ZNF492: variants seen among roughly 807,000 people sequenced by gnomAD.
ZNF492 encodes the protein zinc finger protein 492.
ZNF492 carries 3 observed loss-of-function variants against 6.4 expected under a neutral mutation model. That is an observed-to-expected ratio of 0.47 (90% CI 0.21 to 1.22). The LOEUF (loss-of-function observed/expected upper bound fraction) is 1.22. Among genes scored for constraint, ZNF492 ranks in the 50% most tolerant of loss-of-function variants. ZNF492 has a pLI of 0.22. For synonymous variants in ZNF492, 112 were observed against 205.3 expected (o/e 0.55, Z 3.89); for missense variants, 356 against 612.5 (o/e 0.58, Z 4.42).
chr19:22,658,326 A>T (rs1972017897), intron 3 of ZNF492, among the ~76,000 whole-genome samples: 2 of 151,518 alleles, frequency 1.3e-5, no homozygotes, highest in African/African-American at 4.9e-5. Flanking sequence ...AGGAGGGAGG[A>T]TTACTTGAAC....
chr19:22,644,246 A>C (rs532066597), intron 1 of ZNF492, among the ~76,000 whole-genome samples: 19 of 131,226 alleles, frequency 1.4e-4, no homozygotes, highest in African/African-American at 5.4e-4. Context: ...GAAATATTGA[A>C]TACTTATTTT....
At chr19:22,662,395 C>T (rs1327321663) in intron 3 of ZNF492, among the ~76,000 whole-genome samples, 2 of 152,124 alleles carry the variant, frequency 1.3e-5, no homozygotes, top group East Asian at 1.9e-4. Flanking sequence ...AATAAATATA[C>T]GTGTGCATGT....
At chr19:22,660,894 A>G (rs1221500835) in intron 3 of ZNF492, among the ~76,000 whole-genome samples, 2 of 142,224 alleles carry the variant, frequency 1.4e-5, no homozygotes, top group Non-Finnish European at 3.0e-5. Context: ...TGTTGATGGT[A>G]TTATCCTCAA....
chr19:22,654,097 AT>A (rs1192898358), intron 3 of ZNF492, 82 bp downstream of exon 3: 2 of 1,425,584 alleles, frequency 1.4e-6, no homozygotes, highest in African/African-American at 3.0e-5. Flanking sequence ...AGTCCTTAAA[AT>A]GATTTGAAAT....
At position 22,640,224 on chromosome 19, in the gene ZNF492, G is replaced by A. The variant is rs541982704; in HGVS notation, c.-94+5750G>A. On this transcript the variant is annotated intron_variant, in intron 1 of 3. Coordinates refer to ENST00000456783, the MANE Select transcript of ZNF492 (RefSeq NM_020855.3). ...CTTGCCTAGGCTGGAGTGCAGTGGC[G>A]CGATCTCAGCTCACTGCAACGTCTG... Among the ~76,000 whole-genome samples the A allele has an allele frequency of 1.4e-4, 21 of 151,680 alleles. No individual in the cohort carries two copies. The East Asian group carries it at 1.6e-3, about 11-fold the overall frequency.
chr19:22,655,715 G>T (rs1971987980), intron 3 of ZNF492, among the ~76,000 whole-genome samples: 2 of 125,486 alleles, frequency 1.6e-5, no homozygotes, highest in Admixed American at 8.4e-5. Flanking sequence ...CATACTTCCA[G>T]TGCTGTGTTA....
chr19:22,648,632 A>T (rs989174840), intron 1 of ZNF492, among the ~76,000 whole-genome samples: 1 of 152,216 alleles, frequency 6.6e-6, no homozygotes, highest in Non-Finnish European at 1.5e-5. Context: ...GTTCTCCTGC[A>T]TTGGGTGCTT....
At chr19:22,642,375 AC>A (rs1274787822) in intron 1 of ZNF492, among the ~76,000 whole-genome samples, 6 of 144,636 alleles carry the variant, frequency 4.1e-5, no homozygotes, top group Non-Finnish European at 9.0e-5. Flanking sequence ...AGCTAAATAA[AC>A]CTTTTGTCTT....
chr19:22,639,127 A>G (rs1377559239), intron 1 of ZNF492, among the ~76,000 whole-genome samples: 1 of 152,064 alleles, frequency 6.6e-6, no homozygotes, highest in East Asian at 1.9e-4. Context: ...GGCGTGAGCC[A>G]CTGCGCCTGG....
chr19:22,656,102 C>T (rs1398211672), intron 3 of ZNF492, among the ~76,000 whole-genome samples: 27 of 143,968 alleles, frequency 1.9e-4, no homozygotes, highest in South Asian at 6.4e-4. Context: ...GGATTACAGG[C>T]ATGAGCCACC....
At chr19:22,644,537 G>A (rs1971858676) in intron 1 of ZNF492, among the ~76,000 whole-genome samples, 1 of 152,134 alleles carries the variant, frequency 6.6e-6, no homozygotes, top group Non-Finnish European at 1.5e-5. Context: ...CTTAATCCAT[G>A]TTCCTACAAA....
chr19:22,645,149 T>A (rs1971865070), intron 1 of ZNF492, among the ~76,000 whole-genome samples: 2 of 151,866 alleles, frequency 1.3e-5, no homozygotes. Flanking sequence ...TGGGTTCAAG[T>A]GATTCTCCTG....
chr19:22,642,918 G>C (rs1357103631), intron 1 of ZNF492, among the ~76,000 whole-genome samples: 1 of 152,102 alleles, frequency 6.6e-6, no homozygotes, highest in African/African-American at 2.4e-5. Flanking sequence ...AAGTTCCTTT[G>C]ACAGAAACTT....
intron 1 of ZNF492, among the ~76,000 whole-genome samples, chr19:22,646,442 T>C (rs1183408041): frequency 6.6e-6 from 1 of 152,226 alleles, no homozygotes; most frequent in African/African-American, 2.4e-5. Context: ...TTTCTAAATA[T>C]AGAATAACGT....
rs922262122 is a variant in ZNF492 at position 22,664,230 on chromosome 19, TAAAAG to T, written c.564_568del (p.Lys188AsnfsTer18). The T allele has an allele frequency of 3.1e-6, 5 of 1,612,066 alleles. No individual in the cohort carries two copies. Among genetic ancestry groups the T allele is most frequent in the Non-Finnish European group, 4.2e-6 (5 of 1,179,060 alleles). On this transcript the variant is annotated frameshift_variant, in exon 4 of 4. Transcript: ENST00000456783. LOFTEE classifies it low-confidence loss of function (END_TRUNC). ...ATGAGACCTCAAACCTTTCTACACA[TAAAAG>T]AATTCATACTGGAAAGAAACCCTAC...
rs1401910263 is a variant in ZNF492, at chr19:22,664,029, A to T, written c.360A>T (p.Lys120Asn). The T allele has an allele frequency of 6.2e-7, 1 of 1,607,096 alleles. No homozygotes were observed. The highest frequency in any genetic ancestry group is 8.5e-7 in the Non-Finnish European group (1 of 1,176,490). Reference sequence around the variant, plus strand: ...TATTTCAATGTGACAAATATGTGAAAGTCTTTCATAAATTTTCAAATTCAA... The same window carrying T: ...TATTTCAATGTGACAAATATGTGAATGTCTTTCATAAATTTTCAAATTCAA... Reference protein sequence around the residue: ...NKIFQCDKYVKVFHKFSNSNR... With the variant: ...NKIFQCDKYVNVFHKFSNSNR... The change falls in exon 4 of 4, where the codon AAA becomes AAT. Residue 120 changes from lysine to asparagine, a missense_variant. Around this residue, in one of 7 missense-constraint regions of ZNF492, gnomAD observed 196 missense variants for 219.4 expected, o/e 0.89. Coordinates refer to ENST00000456783, the MANE Select transcript of ZNF492 (RefSeq NM_020855.3).
chr19:22,650,752 C>T (rs1247114240), intron 1 of ZNF492, among the ~76,000 whole-genome samples: 1 of 152,116 alleles, frequency 6.6e-6, no homozygotes, highest in Non-Finnish European at 1.5e-5. Flanking sequence ...TGGGACCAAG[C>T]CGTCCAGCAT....
At chr19:22,649,120 CT>C (rs1393113947) in intron 1 of ZNF492, among the ~76,000 whole-genome samples, 1 of 152,130 alleles carries the variant, frequency 6.6e-6, no homozygotes. Flanking sequence ...CAAGCCAGGC[CT>C]GGTGGAGACA....
Position 22,667,337 on chromosome 19 carries a change from A to G in ZNF492, c.*2072A>G, listed in dbSNP as rs1972141389. 1 of 152,188 alleles carries G rather than the reference A, an allele frequency of 6.6e-6. No homozygotes were observed. Among genetic ancestry groups the G allele is most frequent in the Non-Finnish European group, 1.5e-5 (1 of 68,030 alleles). 9.4% of individuals were successfully genotyped at this position (152,188 alleles called of 1,614,324 possible). On this transcript the variant is annotated 3_prime_UTR_variant, in exon 4 of 4. Coordinates refer to ENST00000456783, the MANE Select transcript of ZNF492 (RefSeq NM_020855.3). The stretch of plus-strand genomic sequence containing the variant: ...TTTTTTCCAGTGGCTTTAAACTGCA[A>G]ATAAGGAATGTTGTTTCTGTAGGTA...
Sources: gnomAD v4.1 joint callset for allele counts (sites outside exome capture counted in the v4.1 genomes callset) on GRCh38, gnomAD v4.1.1 for gene constraint, gnomAD v4.1.1 regional missense constraint, MANE v1.5 for transcripts, NCBI Gene and HGNC (gene_info 2026-07-23, HGNC 2026-07-21) for gene names.